Variants in PCBP3 observed in about 807,000 individuals in gnomAD.
The protein encoded by PCBP3 is poly(rC)-binding protein 3.
A neutral mutation model predicts 52.7 loss-of-function variants in PCBP3; 25 were observed. That is an observed-to-expected ratio of 0.47 (90% CI 0.35 to 0.66). The LOEUF is 0.66. Ranked by LOEUF, PCBP3 falls within the 30% of genes least tolerant of loss-of-function variation. The probability of loss-of-function intolerance (pLI) is 0.01; values close to 1 mark genes in which losing one functional copy is unlikely to be tolerated. For synonymous variants in PCBP3, 162 were observed against 183.0 expected, an observed-to-expected ratio of 0.89 and a Z score of 0.93; for missense variants, 391 against 490.3, an observed-to-expected ratio of 0.80 and a Z score of 1.91.
intron 3 of PCBP3, chr21:45,750,871 T>TATAA (rs2087407562): frequency 7.0e-6 from 1 of 143,790 alleles, no homozygotes; most frequent in Non-Finnish European, 1.5e-5. Context: ...CATACATACA[T>TATAA]GTAAGTGTGT....
rs552125384 is a variant in PCBP3 at position 45,835,024 on chromosome 21, G to A, written c.-125-14937G>A. Among the ~76,000 whole-genome samples the A allele has an allele frequency of 1.5e-3, 236 of 152,348 alleles. 1 individual carries two copies. Among genetic ancestry groups the A allele is most frequent in the African/African-American group, 4.9e-3 (202 of 41,592 alleles). On this transcript the variant is annotated intron_variant, in intron 4 of 17. Transcript: ENST00000681687. ...AATGACGCGGGCAGCTTGGGAGGCC[G>A]GTTCGCGAACGCCGCAGCAGCCTCT...
intron 4 of PCBP3, among the ~76,000 whole-genome samples, chr21:45,820,144 GC>G (rs1222110719): frequency 1.2e-4 from 18 of 152,254 alleles, no homozygotes; most frequent in Non-Finnish European, 2.4e-4. Flanking sequence ...AGTGGCGCTG[GC>G]CTTTTCCTGG....
intron 4 of PCBP3, chr21:45,848,235 A>T (rs958507781): frequency 6.6e-6 from 1 of 152,172 alleles, no homozygotes; most frequent in Non-Finnish European, 1.5e-5. Context: ...GGGTTTCGAT[A>T]CTCTAGAGGT....
intron 13 of PCBP3, among the ~76,000 whole-genome samples, chr21:45,923,079 G>A (rs1313847061): frequency 6.6e-6 from 1 of 152,248 alleles, no homozygotes; most frequent in African/African-American, 2.4e-5. Context: ...TCGGTGCCAC[G>A]CATTTCCCCT....
chr21:45,687,820 C>A (rs575910035), intron 2 of PCBP3, among the ~76,000 whole-genome samples: 2 of 151,786 alleles, frequency 1.3e-5, no homozygotes, highest in Non-Finnish European at 2.9e-5. Context: ...AAGCTCCACC[C>A]GCCAGGTTCA....
intron 16 of PCBP3, 189 bp downstream of exon 16, chr21:45,935,494 T>C (rs1474966531): frequency 4.3e-5 from 30 of 693,650 alleles, no homozygotes; most frequent in Admixed American, 3.6e-4. Context: ...TAAAAAGTTA[T>C]GTGTTTTTAC....
intron 13 of PCBP3, among the ~76,000 whole-genome samples, chr21:45,924,114 G>C (rs1349575525): frequency 4.4e-4 from 44 of 101,072 alleles, no homozygotes; most frequent in African/African-American, 2.1e-3. Flanking sequence ...GAACAGTCGA[G>C]TGGGTAGAAA....
chr21:45,941,564 C>A lies in PCBP3; in HGVS notation c.1080-106C>A, dbSNP rs531620514. 17 of 995,870 alleles carry A rather than the reference C, an allele frequency of 1.7e-5. No homozygotes were observed. The East Asian group carries it at 2.1e-4, about 12-fold the overall frequency. 61.7% of individuals were successfully genotyped at this position (995,870 alleles called of 1,614,324 possible). The stretch of plus-strand genomic sequence containing the variant: ...GGACCTCCTGAGCTGACCGGGATGG[C>A]CTGTCCCAGCGAGCACAGAGGCCAC... On this transcript the variant is annotated intron_variant, in intron 17 of 17. Transcript: ENST00000681687.
At chr21:45,748,934 A>T (rs1453311162) in intron 3 of PCBP3, among the ~76,000 whole-genome samples, 2 of 152,112 alleles carry the variant, frequency 1.3e-5, no homozygotes, top group Non-Finnish European at 2.9e-5. Context: ...CATCTGTGAG[A>T]CTGGGTCTCC....
chr21:45,934,030 T>A (rs10222081), intron 15 of PCBP3, among the ~76,000 whole-genome samples: 9,472 of 152,060 alleles, frequency 0.062, 730 homozygotes, highest in African/African-American at 0.18. Flanking sequence ...GAGGTGCATT[T>A]TGGGGACCCC....
chr21:45,750,300 C>G (rs1242765191), intron 3 of PCBP3: 1 of 151,776 alleles, frequency 6.6e-6, no homozygotes, highest in East Asian at 2.0e-4. Flanking sequence ...AGGACTTAGC[C>G]GTGGTTGGTT....
chr21:45,653,558 T>G (rs757452917), intron 1 of PCBP3, among the ~76,000 whole-genome samples: 3 of 152,134 alleles, frequency 2.0e-5, no homozygotes, highest in Non-Finnish European at 4.4e-5. Context: ...ATGCTAGATG[T>G]TTTAGGCTCA....
At chr21:45,803,519 G>A (rs2092384520) in intron 4 of PCBP3, among the ~76,000 whole-genome samples, 2 of 152,128 alleles carry the variant, frequency 1.3e-5, no homozygotes, top group South Asian at 2.1e-4. Context: ...CAAGAATCCT[G>A]CAGTCTGTTG....
chr21:45,930,909 G>A, intron 15 of PCBP3, 64 bp downstream of exon 15: 2 of 1,601,156 alleles, frequency 1.2e-6, no homozygotes, highest in Non-Finnish European at 8.5e-7. Context: ...CCAGTGGGAG[G>A]AGGTGTGGGG....
At chr21:45,939,932 G>T in intron 16 of PCBP3, 98 bp from the exon 17 acceptor site, 1 of 1,100,956 alleles carries the variant, frequency 9.1e-7, no homozygotes, top group Non-Finnish European at 1.3e-6. Context: ...GTCCAAGGCT[G>T]GCGGCCCGTC....
chr21:45,745,096 T>C (rs1437784403), intron 3 of PCBP3, among the ~76,000 whole-genome samples: 2 of 152,108 alleles, frequency 1.3e-5, no homozygotes, highest in Non-Finnish European at 2.9e-5. Flanking sequence ...AGGGACCCCA[T>C]GGGGTTGTAT....
At chr21:45,783,805 G>A (rs775472322) in intron 4 of PCBP3, among the ~76,000 whole-genome samples, 1 of 152,136 alleles carries the variant, frequency 6.6e-6, no homozygotes, top group Non-Finnish European at 1.5e-5. Flanking sequence ...ACCTACTCAC[G>A]CCAGCAGTGG....
rs1569466231 is a variant in PCBP3, at chr21:45,898,286, CCCCTCTGCACACCGTCCTCACAGTCT to C, written c.166-1289_166-1264del. ...TCCAGTGTCCTCCTCCCTCCACGGG[CCCCTCTGCACACCGTCCTCACAGTCT>C]CCCTCTGCACACCGTCCTCACAGCC... is the stretch of plus-strand genomic sequence containing the variant. On this transcript the variant is annotated intron_variant, in intron 6 of 17. Transcript: ENST00000681687. Among the ~76,000 whole-genome samples the C allele has an allele frequency of 5.5e-3, 820 of 148,478 alleles. 46 individuals carry two copies. Among genetic ancestry groups the C allele is most frequent in the African/African-American group, 0.016 (632 of 39,562 alleles).
rs968702866 is a variant in PCBP3, at chr21:45,853,817, G to A, written c.10+3722G>A. Among the ~76,000 whole-genome samples, 10 of 152,296 alleles carry A rather than the reference G, an allele frequency of 6.6e-5. No individual in the cohort carries two copies. Among genetic ancestry groups the A allele is most frequent in the African/African-American group, 2.2e-4 (9 of 41,554 alleles). On this transcript the variant is annotated intron_variant, in intron 5 of 17. Transcript: ENST00000681687. This position sits in a 1 kb window ranked among gnomAD's most constrained non-coding sequence, Gnocchi z 4.6. ...ATATGTGAGTAAGAGTCAGGCACTC[G>A]GTGTTTTAGAATGGGCTCCTGCGTG...
Sources: allele counts gnomAD v4.1 joint callset (sites outside exome capture counted in the v4.1 genomes callset), GRCh38; gene constraint gnomAD v4.1.1; non-coding constraint Gnocchi (gnomAD v3.1); transcripts MANE v1.5; gene names NCBI Gene and HGNC (gene_info 2026-07-23, HGNC 2026-07-21).